Variants in SOX6 observed in about 807,000 individuals in gnomAD.
SOX6 encodes SRY-box transcription factor 6.
SOX6 carries 11 observed loss-of-function variants against 97.8 expected under a neutral mutation model. The ratio of observed to expected loss-of-function variants is 0.11; its 90% confidence interval spans 0.07 to 0.19. The LOEUF (loss-of-function observed/expected upper bound fraction) is 0.19, where lower values mean the gene tolerates loss of function less well. Among genes scored for constraint, SOX6 ranks in the 10% least tolerant of loss-of-function variants. SOX6 has a pLI of 1.00. For synonymous variants in SOX6, 360 were observed against 371.4 expected (o/e 0.97, Z 0.35); for missense variants, 810 against 1,039.5 (o/e 0.78, Z 3.04).
At chr11:16,231,960 A>G (rs1181076785) in intron 4 of SOX6, among the ~76,000 whole-genome samples, 1 of 151,872 alleles carries the variant, frequency 6.6e-6, no homozygotes, top group Non-Finnish European at 1.5e-5. Flanking sequence ...AATATACAAT[A>G]AGATACAAGT....
chr11:16,138,004 C>A (rs902191455), intron 6 of SOX6, among the ~76,000 whole-genome samples: 3 of 152,224 alleles, frequency 2.0e-5, no homozygotes, highest in Non-Finnish European at 2.9e-5. Flanking sequence ...ATTACCCAGT[C>A]TCAGGTATGT....
At position 16,689,928 on chromosome 11, in the gene SOX6, G is replaced by C. The variant is rs369113005; in HGVS notation, n.429+24902C>G. On this transcript the variant is annotated intron_variant and non_coding_transcript_variant, in intron 3 of 5. Transcript: ENST00000524520. Reference sequence around the variant, plus strand: ...AATCAATTTTTGTAAATGTCCCATGGCTTTTTTTTTTTTTTTGAAAGAGTC... The same window carrying C: ...AATCAATTTTTGTAAATGTCCCATGCCTTTTTTTTTTTTTTTGAAAGAGTC... Among the ~76,000 whole-genome samples, 26 of 147,678 alleles carry C rather than the reference G, an allele frequency of 1.8e-4. No homozygotes were observed. The East Asian group carries it at 3.9e-3, about 22-fold the overall frequency.
At chr11:16,129,442 C>G (rs1488785818) in intron 6 of SOX6, among the ~76,000 whole-genome samples, 1 of 151,976 alleles carries the variant, frequency 6.6e-6, no homozygotes, top group Non-Finnish European at 1.5e-5. Flanking sequence ...GTAACTTCTC[C>G]ACTCATATTC....
intron 1 of SOX6, among the ~76,000 whole-genome samples, chr11:16,385,657 C>T (rs1328672656): frequency 6.6e-6 from 1 of 152,016 alleles, no homozygotes; most frequent in Admixed American, 6.6e-5. Flanking sequence ...CTTAGAAATG[C>T]AAACTCCTGT....
intron 3 of SOX6, among the ~76,000 whole-genome samples, chr11:16,278,932 A>G (rs1162304182): frequency 6.6e-6 from 1 of 152,152 alleles, no homozygotes; most frequent in East Asian, 1.9e-4. Context: ...TATAGGTTCA[A>G]ATGGTAAATG....
chr11:15,980,579 C>A (rs969895103), intron 15 of SOX6, among the ~76,000 whole-genome samples: 1 of 151,998 alleles, frequency 6.6e-6, no homozygotes, highest in Non-Finnish European at 1.5e-5. Flanking sequence ...TCCACCCTAC[C>A]CATCTTATGT....
At chr11:16,215,966 C>T (rs1170080117) in intron 4 of SOX6, among the ~76,000 whole-genome samples, 2 of 152,090 alleles carry the variant, frequency 1.3e-5, no homozygotes, top group East Asian at 3.9e-4. Context: ...TGTTAGTATG[C>T]CTTGGTGACA....
chr11:16,374,269 T>C (rs766287919), intron 1 of SOX6, among the ~76,000 whole-genome samples: 3 of 152,042 alleles, frequency 2.0e-5, no homozygotes, highest in Non-Finnish European at 4.4e-5. Context: ...GTAAAACCTA[T>C]TCCAAATGTT....
chr11:16,289,557 A>T (rs1854849591), intron 3 of SOX6, among the ~76,000 whole-genome samples: 1 of 152,058 alleles, frequency 6.6e-6, no homozygotes, highest in Admixed American at 6.6e-5. Context: ...ACGTCAGATT[A>T]GATAAACCAG....
chr11:16,261,521 A>T (rs994833115), intron 3 of SOX6, among the ~76,000 whole-genome samples: 3 of 152,058 alleles, frequency 2.0e-5, no homozygotes, highest in South Asian at 2.1e-4. Flanking sequence ...AAACGGGGAA[A>T]AATACAATAT....
At chr11:16,509,684 T>C (rs1360754886) in intron 4 of SOX6, among the ~76,000 whole-genome samples, 4 of 152,058 alleles carry the variant, frequency 2.6e-5, no homozygotes, top group Non-Finnish European at 5.9e-5. Flanking sequence ...TACTCCCTTT[T>C]TAAATTTTTA....
chr11:16,128,354 A>T (rs777102140), intron 6 of SOX6, among the ~76,000 whole-genome samples: 1 of 152,220 alleles, frequency 6.6e-6, no homozygotes, highest in South Asian at 2.1e-4. Flanking sequence ...ACATATACAC[A>T]TATGTATAAT....
intron 4 of SOX6, among the ~76,000 whole-genome samples, chr11:16,545,338 C>G (rs1384074718): frequency 7.0e-6 from 1 of 143,604 alleles, no homozygotes; most frequent in South Asian, 2.2e-4. Flanking sequence ...AAGTAAAGTC[C>G]AAGCCCAAAA....
intron 4 of SOX6, among the ~76,000 whole-genome samples, chr11:16,231,821 TAACTC>T (rs1852860660): frequency 6.6e-6 from 1 of 151,730 alleles, no homozygotes; most frequent in Non-Finnish European, 1.5e-5. Flanking sequence ...TTTTAGAAGA[TAACTC>T]AATCTCAGGA....
chr11:16,045,135 T>C (rs1049500752), intron 12 of SOX6, among the ~76,000 whole-genome samples: 3 of 152,192 alleles, frequency 2.0e-5, no homozygotes, highest in Non-Finnish European at 4.4e-5. Flanking sequence ...AATTAATCTG[T>C]AGAATTTGAA....
intron 2 of SOX6, among the ~76,000 whole-genome samples, chr11:16,319,761 G>A (rs976306909): frequency 2.0e-5 from 3 of 151,832 alleles, no homozygotes; most frequent in African/African-American, 7.3e-5. Flanking sequence ...ATTTGGGTTG[G>A]TTCCAAGTCT....
chr11:16,273,843 TG>T (rs111907981), intron 3 of SOX6, among the ~76,000 whole-genome samples: 2 of 151,162 alleles, frequency 1.3e-5, no homozygotes, highest in Non-Finnish European at 3.0e-5. Context: ...AAAGAAAAAG[TG>T]AAAAAAAGTC....
At chr11:16,679,570 T>G (rs1847910456) in intron 3 of SOX6, among the ~76,000 whole-genome samples, 1 of 152,202 alleles carries the variant, frequency 6.6e-6, no homozygotes, top group African/African-American at 2.4e-5. Flanking sequence ...TCTAAAGGAC[T>G]GCAGCTCTTC....
intron 15 of SOX6, among the ~76,000 whole-genome samples, chr11:15,978,997 CAT>C (rs35261331): frequency 0.31 from 39,297 of 125,576 alleles, 7,064 homozygotes; most frequent in Non-Finnish European, 0.41. Context: ...AGCATATATA[CAT>C]GCTTATTTTA....
Sources: allele counts gnomAD v4.1 joint callset (sites outside exome capture counted in the v4.1 genomes callset), GRCh38; gene constraint gnomAD v4.1.1; transcripts MANE v1.5; gene names NCBI Gene and HGNC (gene_info 2026-07-23, HGNC 2026-07-21).